ANKRD29: variants seen among roughly 807,000 people sequenced by gnomAD.
ANKRD29 encodes ankyrin repeat domain-containing protein 29.
Under a neutral mutation model 38.0 loss-of-function variants are expected in ANKRD29, and 32 were observed. That is an observed-to-expected ratio of 0.84 (90% CI 0.64 to 1.13). The LOEUF is 1.13. Among genes scored for constraint, ANKRD29 ranks in the 50% most tolerant of loss-of-function variants. The pLI is 0.00. For missense variants in ANKRD29, 357 were observed against 377.9 expected, an observed-to-expected ratio of 0.94 and a Z score of 0.46; for synonymous variants, 135 against 152.4, an observed-to-expected ratio of 0.89 and a Z score of 0.84.
intron 6 of ANKRD29, among the ~76,000 whole-genome samples, chr18:23,628,238 C>T (rs564649029): frequency 5.9e-5 from 9 of 152,298 alleles, no homozygotes; most frequent in African/African-American, 2.2e-4. Flanking sequence ...GGATTGAGAA[C>T]TTGGGATTCC....
intron 5 of ANKRD29, among the ~76,000 whole-genome samples, chr18:23,631,804 A>C (rs184152922): frequency 6.6e-6 from 1 of 152,286 alleles, no homozygotes; most frequent in East Asian, 1.9e-4. Flanking sequence ...TCTTGGACAC[A>C]TGTCACTCGG....
chr18:23,626,266 C>G (rs2059861057), intron 6 of ANKRD29, among the ~76,000 whole-genome samples: 1 of 152,176 alleles, frequency 6.6e-6, no homozygotes, highest in South Asian at 2.1e-4. Flanking sequence ...GATGACTTTT[C>G]CTCCAGCCTT....
At chr18:23,649,395 G>T in intron 1 of ANKRD29, 1 of 704,932 alleles carries the variant, frequency 1.4e-6, no homozygotes, top group Non-Finnish European at 2.6e-6. Context: ...ACATGGCTAT[G>T]AAGAGCAGTG....
At chr18:23,647,830 CAA>C (rs1266240057) in intron 2 of ANKRD29, 1 of 152,300 alleles carries the variant, frequency 6.6e-6, no homozygotes, top group Non-Finnish European at 1.5e-5. Context: ...CACAGATGCC[CAA>C]GACTTGACAG....
chr18:23,636,899 ATAGATT>A (rs1568034650), intron 4 of ANKRD29, among the ~76,000 whole-genome samples: 1 of 152,206 alleles, frequency 6.6e-6, no homozygotes. Context: ...TTTGGGGCAT[ATAGATT>A]TAGTAGCAGT....
chr18:23,657,480 A>G (rs1261179792), intron 1 of ANKRD29, among the ~76,000 whole-genome samples: 1 of 152,206 alleles, frequency 6.6e-6, no homozygotes, highest in Non-Finnish European at 1.5e-5. Flanking sequence ...CATAAAATTC[A>G]TCCTTTCAAA....
intron 5 of ANKRD29, 121 bp downstream of exon 5, chr18:23,633,930 C>A: frequency 7.2e-6 from 7 of 976,328 alleles, no homozygotes; most frequent in Non-Finnish European, 1.1e-5. Flanking sequence ...TCTCTTGACT[C>A]AGACCCAAGT....
intron 1 of ANKRD29, among the ~76,000 whole-genome samples, chr18:23,651,974 G>T: frequency 6.6e-6 from 1 of 152,200 alleles, no homozygotes. Flanking sequence ...ATTGACTCCT[G>T]ATTTCTGGTT....
chr18:23,660,647 A>G (rs552449060), intron 1 of ANKRD29, among the ~76,000 whole-genome samples: 5 of 152,324 alleles, frequency 3.3e-5, no homozygotes, highest in African/African-American at 1.2e-4. Flanking sequence ...CTCTACTAAA[A>G]TTACAAAAAA....
chr18:23,601,162 A>G lies in ANKRD29; in HGVS notation c.*64T>C. 6.9e-7 allele frequency: 1 copy of G among 1,448,984 alleles called. No individual in the cohort carries two copies. The highest frequency in any genetic ancestry group is 9.6e-7 in the Non-Finnish European group (1 of 1,041,796). The allele number at this position is 1,448,984 out of a possible 1,614,324, so 89.8% of individuals were successfully genotyped here. Reference sequence around the variant, plus strand: ...TAAAAGAATTTCCAACACTGCTTGAAATGCAATTTCTTTTTGGACAATGTG... The same window carrying G: ...TAAAAGAATTTCCAACACTGCTTGAGATGCAATTTCTTTTTGGACAATGTG... On this transcript the variant is annotated 3_prime_UTR_variant, in exon 10 of 10. Coordinates refer to ENST00000592179, the MANE Select transcript of ANKRD29 (RefSeq NM_173505.4).
intron 6 of ANKRD29, among the ~76,000 whole-genome samples, chr18:23,627,194 T>A (rs1344469309): frequency 6.6e-6 from 1 of 152,194 alleles, no homozygotes; most frequent in Non-Finnish European, 1.5e-5. Context: ...CAGTAGGTAA[T>A]AAAAATTATT....
At chr18:23,656,970 C>T (rs998133168) in intron 1 of ANKRD29, among the ~76,000 whole-genome samples, 2 of 152,174 alleles carry the variant, frequency 1.3e-5, no homozygotes, top group Admixed American at 6.5e-5. Context: ...TGCCTGCTCC[C>T]GGTGGAAGCA....
At chr18:23,627,869 C>T (rs2059881747) in intron 6 of ANKRD29, among the ~76,000 whole-genome samples, 1 of 152,008 alleles carries the variant, frequency 6.6e-6, no homozygotes, top group Non-Finnish European at 1.5e-5. Context: ...TAAGAAGGAC[C>T]AATACGAAAA....
intron 1 of ANKRD29, among the ~76,000 whole-genome samples, chr18:23,655,824 T>C (rs1598546293): frequency 7.1e-6 from 1 of 140,700 alleles, no homozygotes; most frequent in East Asian, 2.6e-4. Context: ...CCGGGCGCGG[T>C]GGCTCACGCC....
intron 9 of ANKRD29, among the ~76,000 whole-genome samples, chr18:23,603,684 T>G (rs1408872284): frequency 1.4e-4 from 21 of 152,160 alleles, no homozygotes; most frequent in Admixed American, 1.4e-3. Flanking sequence ...CTTTAAGTTT[T>G]GGGAAGCTGT....
intron 7 of ANKRD29, 68 bp downstream of exon 7, chr18:23,619,463 A>G: frequency 7.0e-7 from 1 of 1,434,264 alleles, no homozygotes; most frequent in Non-Finnish European, 9.3e-7. Context: ...GACTCAGTCA[A>G]GACCCGTTTT....
chr18:23,620,351 G>T (rs1280771858), intron 6 of ANKRD29, among the ~76,000 whole-genome samples: 1 of 152,128 alleles, frequency 6.6e-6, no homozygotes, highest in Admixed American at 6.6e-5. Context: ...CGTATATTTG[G>T]GAGTATTTCC....
At chr18:23,632,085 G>T (rs1202023597) in intron 5 of ANKRD29, among the ~76,000 whole-genome samples, 3 of 152,232 alleles carry the variant, frequency 2.0e-5, no homozygotes, top group Non-Finnish European at 1.5e-5. Flanking sequence ...GTGGGCGTCA[G>T]CAGAGCTGCC....
At chr18:23,624,630 A>C (rs915460635) in intron 6 of ANKRD29, among the ~76,000 whole-genome samples, 1 of 152,148 alleles carries the variant, frequency 6.6e-6, no homozygotes, top group African/African-American at 2.4e-5. Context: ...TAGAAAGAAG[A>C]CAGATGGGTG....
Sources: gnomAD v4.1 joint callset for allele counts (sites outside exome capture counted in the v4.1 genomes callset) on GRCh38, gnomAD v4.1.1 for gene constraint, MANE v1.5 for transcripts, NCBI Gene and HGNC (gene_info 2026-07-23, HGNC 2026-07-21) for gene names.